Variants in VPS13B observed in about 807,000 individuals in gnomAD.
The protein encoded by VPS13B is vacuolar protein sorting 13 homolog B.
Under a neutral mutation model 426.4 loss-of-function variants are expected in VPS13B, and 285 were observed. The observed-to-expected ratio is 0.67, with a 90% CI of 0.61 to 0.74. The LOEUF is 0.74. Ranked by LOEUF, VPS13B falls within the 30% of genes least tolerant of loss-of-function variation. The pLI is 0.00. For missense variants in VPS13B, 4,537 were observed against 4,782.6 expected, an observed-to-expected ratio of 0.95 and a Z score of 1.51; for synonymous variants, 1,676 against 1,676.4, an observed-to-expected ratio of 1.00 and a Z score of 0.01.
At chr8:99,396,017 G>A (rs1814709255) in intron 21 of VPS13B, among the ~76,000 whole-genome samples, 1 of 152,054 alleles carries the variant, frequency 6.6e-6, no homozygotes, top group Non-Finnish European at 1.5e-5. Context: ...TAATTAACTT[G>A]AAGACATAGT....
intron 52 of VPS13B, among the ~76,000 whole-genome samples, chr8:99,833,633 G>A (rs1815211522): frequency 6.6e-6 from 1 of 152,088 alleles, no homozygotes; most frequent in South Asian, 2.1e-4. Flanking sequence ...CATTCTGGTT[G>A]GAGATGTTAA....
chr8:99,736,478 G>A (rs1408724774), intron 39 of VPS13B, among the ~76,000 whole-genome samples: 1 of 152,156 alleles, frequency 6.6e-6, no homozygotes, highest in East Asian at 1.9e-4. Context: ...GGAGGCTGAG[G>A]CAGGAGAATC....
chr8:99,135,814 TC>T, intron 11 of VPS13B, 81 bp downstream of exon 11: 2 of 1,572,920 alleles, frequency 1.3e-6, no homozygotes, highest in South Asian at 2.3e-5. Context: ...TTTCTAGCTT[TC>T]TTTTCAAATA....
chr8:99,665,121 G>C (rs1830429058), intron 35 of VPS13B, among the ~76,000 whole-genome samples: 1 of 152,084 alleles, frequency 6.6e-6, no homozygotes, highest in Non-Finnish European at 1.5e-5. Context: ...GTCTTCTTTT[G>C]AGAAGTGTCT....
chr8:99,504,144 A>G (rs1288214137), intron 27 of VPS13B, among the ~76,000 whole-genome samples: 1 of 152,170 alleles, frequency 6.6e-6, no homozygotes, highest in Non-Finnish European at 1.5e-5. Context: ...TAGTTCATGC[A>G]AGAGCTGGTT....
intron 19 of VPS13B, among the ~76,000 whole-genome samples, chr8:99,334,333 T>A (rs1436573571): frequency 1.3e-5 from 2 of 152,036 alleles, no homozygotes; most frequent in African/African-American, 4.8e-5. Context: ...AATAATCTTT[T>A]CATCCTTTTG....
At chr8:99,181,713 T>C (rs1265790280) in intron 16 of VPS13B, among the ~76,000 whole-genome samples, 1 of 152,188 alleles carries the variant, frequency 6.6e-6, no homozygotes, top group African/African-American at 2.4e-5. Flanking sequence ...AATTGATGGG[T>C]CACCTTTCTC....
intron 17 of VPS13B, among the ~76,000 whole-genome samples, chr8:99,196,694 C>G (rs969381859): frequency 2.6e-5 from 4 of 152,080 alleles, no homozygotes; most frequent in Admixed American, 6.5e-5. Context: ...CCACCTCGTC[C>G]TCCTAAAATA....
intron 19 of VPS13B, among the ~76,000 whole-genome samples, chr8:99,375,565 A>C (rs1289013938): frequency 1.3e-5 from 2 of 152,116 alleles, no homozygotes; most frequent in African/African-American, 4.8e-5. Flanking sequence ...CCCCTAGATA[A>C]AGTTGCTAGT....
chr8:99,388,041 A>T (rs921779714), intron 20 of VPS13B, among the ~76,000 whole-genome samples: 1 of 152,220 alleles, frequency 6.6e-6, no homozygotes, highest in Non-Finnish European at 1.5e-5. Context: ...TATTCACAGG[A>T]TATAACATTT....
chr8:99,839,884 A>G (rs1468468246), intron 54 of VPS13B, among the ~76,000 whole-genome samples: 1 of 152,228 alleles, frequency 6.6e-6, no homozygotes, highest in Non-Finnish European at 1.5e-5. Context: ...TGTAGCATCC[A>G]TTCATTCATC....
At chr8:99,714,113 T>G (rs1458347729) in intron 36 of VPS13B, among the ~76,000 whole-genome samples, 2 of 143,148 alleles carry the variant, frequency 1.4e-5, no homozygotes, top group Non-Finnish European at 1.5e-5. Flanking sequence ...CACTCCAGCC[T>G]GTGTGACAGA....
chr8:99,018,463 C>T (rs769672340), intron 2 of VPS13B, among the ~76,000 whole-genome samples: 3 of 152,158 alleles, frequency 2.0e-5, no homozygotes, highest in Non-Finnish European at 2.9e-5. Context: ...TTTAGTATGT[C>T]GACCTATCCA....
At chr8:99,773,193 A>G (rs945516565) in intron 40 of VPS13B, among the ~76,000 whole-genome samples, 2 of 152,224 alleles carry the variant, frequency 1.3e-5, no homozygotes, top group South Asian at 4.1e-4. Context: ...TGAAAAATAC[A>G]GAGACTTAGC....
At chr8:99,739,798 C>T (rs1809595220) in intron 39 of VPS13B, among the ~76,000 whole-genome samples, 1 of 152,126 alleles carries the variant, frequency 6.6e-6, no homozygotes, top group South Asian at 2.1e-4. Flanking sequence ...ACAGAAAGGA[C>T]ATCCACACCA....
chr8:99,053,410 G>A (rs1194097518), intron 3 of VPS13B, among the ~76,000 whole-genome samples: 2 of 151,968 alleles, frequency 1.3e-5, no homozygotes, highest in East Asian at 1.9e-4. Flanking sequence ...TTTTGTCCTT[G>A]CGATAGTTTG....
chr8:99,686,432 A>G (rs909671781), intron 35 of VPS13B, among the ~76,000 whole-genome samples: 9 of 150,874 alleles, frequency 6.0e-5, no homozygotes, highest in African/African-American at 2.0e-4. Context: ...GTCCTTCCCT[A>G]CAGGGCAGTG....
At chr8:99,474,769 T>C (rs1819606151) in intron 24 of VPS13B, among the ~76,000 whole-genome samples, 1 of 152,124 alleles carries the variant, frequency 6.6e-6, no homozygotes, top group South Asian at 2.1e-4. Flanking sequence ...TGTAACAACA[T>C]TGGAAACCCC....
At chr8:99,064,460 T>C (rs1178402320) in intron 3 of VPS13B, among the ~76,000 whole-genome samples, 2 of 152,134 alleles carry the variant, frequency 1.3e-5, no homozygotes, top group East Asian at 3.8e-4. Context: ...ATGTGAAATA[T>C]GCACAAGCTT....
Sources: gnomAD v4.1 joint callset for allele counts (sites outside exome capture counted in the v4.1 genomes callset) on GRCh38, gnomAD v4.1.1 for gene constraint, MANE v1.5 for transcripts, NCBI Gene and HGNC (gene_info 2026-07-23, HGNC 2026-07-21) for gene names.